Variants in INPP5A observed in about 807,000 individuals in gnomAD.
INPP5A encodes inositol polyphosphate-5-phosphatase A.
Under a neutral mutation model 65.2 loss-of-function variants are expected in INPP5A, and 14 were observed. The ratio of observed to expected loss-of-function variants is 0.21; its 90% CI spans 0.14 to 0.34. The LOEUF is 0.34. INPP5A is among the 10% of genes least tolerant of loss of function. INPP5A has a pLI of 1.00. For synonymous variants in INPP5A, 207 were observed against 208.3 expected (o/e 0.99, Z 0.05); for missense variants, 431 against 545.6 (o/e 0.79, Z 2.09).
At chr10:132,720,870 A>T (rs1477715201) in intron 8 of INPP5A, among the ~76,000 whole-genome samples, 4,419 of 28,452 alleles carry the variant, frequency 0.16, no homozygotes, top group Middle Eastern at 0.19. Flanking sequence ...GTCTTCAGGG[A>T]TCTGTGGTAC....
At chr10:132,778,370 C>T (rs957458405) in intron 13 of INPP5A, among the ~76,000 whole-genome samples, 16 of 134,452 alleles carry the variant, frequency 1.2e-4, no homozygotes, top group Non-Finnish European at 2.3e-4. Context: ...CTACATTGGC[C>T]AGGCTGGTCT....
intron 11 of INPP5A, among the ~76,000 whole-genome samples, chr10:132,765,300 A>G (rs1846823009): frequency 6.6e-6 from 1 of 152,208 alleles, no homozygotes; most frequent in African/African-American, 2.4e-5. Context: ...TTGCCCCCGA[A>G]CTGCTGCCAG....
chr10:132,633,369 G>A (rs1422329224), intron 2 of INPP5A, among the ~76,000 whole-genome samples: 2 of 152,118 alleles, frequency 1.3e-5, no homozygotes, highest in South Asian at 2.1e-4. Context: ...AGTAGGTCAC[G>A]AAAACCCATC....
intron 12 of INPP5A, among the ~76,000 whole-genome samples, chr10:132,773,805 C>G (rs1185945071): frequency 2.0e-5 from 3 of 152,214 alleles, no homozygotes; most frequent in Non-Finnish European, 4.4e-5. Context: ...GCTCTGTTGC[C>G]CGGGCTGGAG....
chr10:132,708,510 CTGA>C, intron 7 of INPP5A, 145 bp downstream of exon 7: 2 of 820,474 alleles, frequency 2.4e-6, no homozygotes, highest in Non-Finnish European at 4.4e-6. Context: ...ACCTGCCACT[CTGA>C]CCCTTTTGGT....
At chr10:132,693,643 A>G (rs1335568927) in intron 5 of INPP5A, among the ~76,000 whole-genome samples, 1 of 152,248 alleles carries the variant, frequency 6.6e-6, no homozygotes, top group East Asian at 1.9e-4. Flanking sequence ...AAATTAAACC[A>G]AAAGCTGGTT....
chr10:132,750,970 T>C (rs1471214514), intron 11 of INPP5A, among the ~76,000 whole-genome samples: 1 of 152,160 alleles, frequency 6.6e-6, no homozygotes, highest in African/African-American at 2.4e-5. Flanking sequence ...TCGTGGGGTT[T>C]GGGGGCTTAT....
intron 6 of INPP5A, among the ~76,000 whole-genome samples, chr10:132,699,362 T>G (rs895543410): frequency 2.1e-3 from 211 of 98,734 alleles, no homozygotes; most frequent in South Asian, 2.8e-3. Context: ...GGTGCTGGGG[T>G]GGGGGGGGGC....
At chr10:132,606,979 T>C (rs1486297882) in intron 1 of INPP5A, among the ~76,000 whole-genome samples, 1 of 152,210 alleles carries the variant, frequency 6.6e-6, no homozygotes, top group South Asian at 2.1e-4. Flanking sequence ...TTTTAGATGC[T>C]GACTCTGTCC....
chr10:132,559,720 C>G (rs2071176354), intron 1 of INPP5A, among the ~76,000 whole-genome samples: 1 of 152,176 alleles, frequency 6.6e-6, no homozygotes, highest in African/African-American at 2.4e-5. Context: ...CACGTGTGTT[C>G]CAGGGACTCC....
At chr10:132,681,863 G>C (rs2073050785) in intron 4 of INPP5A, among the ~76,000 whole-genome samples, 1 of 152,196 alleles carries the variant, frequency 6.6e-6, no homozygotes, top group South Asian at 2.1e-4. Context: ...ACCGTAAAAA[G>C]GAAAGAAATT....
chr10:132,562,416 TG>T (rs2133271128), intron 1 of INPP5A, among the ~76,000 whole-genome samples: 1 of 152,344 alleles, frequency 6.6e-6, no homozygotes, highest in South Asian at 2.1e-4. Context: ...AACCTGGGCC[TG>T]GGGGTGGCTC....
intron 1 of INPP5A, among the ~76,000 whole-genome samples, chr10:132,569,001 C>T (rs2071306170): frequency 6.6e-6 from 1 of 151,180 alleles, no homozygotes; most frequent in Admixed American, 6.6e-5. Context: ...CCACAACCTC[C>T]GCCTCTTGGA....
At chr10:132,773,574 C>T (rs1187898996) in intron 12 of INPP5A, among the ~76,000 whole-genome samples, 1 of 152,230 alleles carries the variant, frequency 6.6e-6, no homozygotes, top group Non-Finnish European at 1.5e-5. Flanking sequence ...ATGAACTCTA[C>T]TGCCTGCGAG....
intron 4 of INPP5A, among the ~76,000 whole-genome samples, chr10:132,670,890 G>A (rs527924503): frequency 6.8e-6 from 1 of 147,862 alleles, no homozygotes; most frequent in South Asian, 2.1e-4. Context: ...ATATTCATGT[G>A]GTCAGGACAG....
intron 1 of INPP5A, among the ~76,000 whole-genome samples, chr10:132,572,957 G>A (rs576055844): frequency 6.6e-6 from 1 of 151,988 alleles, no homozygotes; most frequent in East Asian, 1.9e-4. Context: ...TTGTTGAGAT[G>A]TTGGGGTGTA....
In INPP5A at chr10:132,765,818, T is replaced by C; in HGVS notation, c.949T>C (p.Tyr317His). ...KELSVFKDRL[Y>H]ELDISFPPSY... is the part of the protein sequence containing the mutation. ...GTTGTCTGTCTTTAAGGACAGACTG[T>C]ATGAACTGGACATCTCGTTCCCTCC... The change falls in exon 12 of 16, where the codon TAT (tyrosine) becomes CAT (histidine). Residue 317 changes from tyrosine to histidine, a missense_variant. Tyr to His is a moderately conservative substitution (Grantham distance 83, BLOSUM62 2). Coordinates refer to ENST00000368594, the MANE Select transcript of INPP5A (RefSeq NM_005539.5). 1 of 1,606,198 alleles carries C rather than the reference T, an allele frequency of 6.2e-7. No homozygotes were observed. Among genetic ancestry groups the C allele is most frequent in the Non-Finnish European group, 8.5e-7 (1 of 1,172,798 alleles).
chr10:132,746,197 G>C (rs533279110), intron 9 of INPP5A, among the ~76,000 whole-genome samples: 1 of 152,216 alleles, frequency 6.6e-6, no homozygotes, highest in African/African-American at 2.4e-5. Flanking sequence ...CTGTGCGTGC[G>C]GTGCCTGGAG....
At position 132,669,686 on chromosome 10, in the gene INPP5A, G is replaced by A. The variant is rs972697211; in HGVS notation, c.306+19181G>A. Among the ~76,000 whole-genome samples the A allele has an allele frequency of 4.6e-5, 7 of 152,336 alleles. No homozygotes were observed. The Middle Eastern group carries it at 0.01, about 222-fold the overall frequency. On this transcript the variant is annotated intron_variant, in intron 4 of 15. Coordinates refer to ENST00000368594, the MANE Select transcript of INPP5A (RefSeq NM_005539.5). ...CTTGGAGGATGTGGGGCCTGCCTGT[G>A]CGTGCCCCATGGGCAGAGAGGGCGG...
Sources: allele counts gnomAD v4.1 joint callset (sites outside exome capture counted in the v4.1 genomes callset), GRCh38; gene constraint gnomAD v4.1.1; transcripts MANE v1.5; gene names NCBI Gene and HGNC (gene_info 2026-07-23, HGNC 2026-07-21).